The following TMTC2 variants were observed in gnomAD, a reference collection of about 807,000 sequenced individuals.
TMTC2 encodes the protein transmembrane O-mannosyltransferase targeting cadherins 2, also known as protein O-mannosyl-transferase TMTC2.
Under a neutral mutation model 82.4 loss-of-function variants are expected in TMTC2, and 43 were observed. The observed-to-expected ratio is 0.52, with a 90% CI of 0.41 to 0.67. The LOEUF is 0.67. TMTC2 is among the 30% of genes least tolerant of loss of function. The pLI, the probability that TMTC2 is intolerant of heterozygous loss-of-function variation, is 0.00. For synonymous variants in TMTC2, 408 were observed against 381.9 expected, an observed-to-expected ratio of 1.07 and a Z score of -0.80; for missense variants, 919 against 1,012.4, an observed-to-expected ratio of 0.91 and a Z score of 1.25.
chr12:82,704,010 A>T (rs1873225155), intron 1 of TMTC2, among the ~76,000 whole-genome samples: 1 of 152,196 alleles, frequency 6.6e-6, no homozygotes, highest in South Asian at 2.1e-4. Flanking sequence ...AAATGCTATA[A>T]TCATAGTAAA....
intron 1 of TMTC2, among the ~76,000 whole-genome samples, chr12:82,810,519 T>C (rs1281881321): frequency 6.6e-6 from 1 of 152,060 alleles, no homozygotes; most frequent in East Asian, 1.9e-4. Context: ...GACCCCAAAA[T>C]TGGGTCTGTA....
At chr12:83,036,356 A>AT (rs888597290) in intron 9 of TMTC2, among the ~76,000 whole-genome samples, 8 of 151,962 alleles carry the variant, frequency 5.3e-5, no homozygotes, top group African/African-American at 1.4e-4. Context: ...AAAAGTATAG[A>AT]TTTTTTAAAA....
intron 1 of TMTC2, among the ~76,000 whole-genome samples, chr12:82,796,452 G>C (rs913740436): frequency 6.6e-6 from 1 of 152,042 alleles, no homozygotes; most frequent in Admixed American, 6.6e-5. Flanking sequence ...AAACAAATGA[G>C]TAATTATTTA....
At chr12:82,837,326 G>A (rs1377234181) in intron 1 of TMTC2, among the ~76,000 whole-genome samples, 1 of 152,086 alleles carries the variant, frequency 6.6e-6, no homozygotes, top group Non-Finnish European at 1.5e-5. Context: ...TGTGTACAAT[G>A]GCTGGGCATG....
At chr12:82,892,138 A>C (rs1424578900) in intron 2 of TMTC2, among the ~76,000 whole-genome samples, 2 of 152,234 alleles carry the variant, frequency 1.3e-5, no homozygotes, top group Non-Finnish European at 2.9e-5. Context: ...TAGAATAAGT[A>C]TGTGAAAGCA....
chr12:83,003,829 A>G (rs960394601), intron 8 of TMTC2, among the ~76,000 whole-genome samples: 2 of 152,060 alleles, frequency 1.3e-5, no homozygotes, highest in Non-Finnish European at 2.9e-5. Flanking sequence ...GTAGAACCTG[A>G]TGACTGTGTC....
At chr12:83,054,873 T>G (rs948567294) in intron 10 of TMTC2, among the ~76,000 whole-genome samples, 2 of 152,068 alleles carry the variant, frequency 1.3e-5, no homozygotes, top group African/African-American at 4.8e-5. Context: ...GGTTTGTTTC[T>G]AAGCTGTTTT....
chr12:83,041,282 A>G (rs1403005951), intron 9 of TMTC2, among the ~76,000 whole-genome samples: 3 of 152,198 alleles, frequency 2.0e-5, no homozygotes, highest in East Asian at 3.9e-4. Flanking sequence ...GATTTTAAAC[A>G]GTGACATGGA....
At chr12:82,819,100 C>A (rs1014273031) in intron 1 of TMTC2, among the ~76,000 whole-genome samples, 1 of 151,934 alleles carries the variant, frequency 6.6e-6, no homozygotes, top group African/African-American at 2.4e-5. Flanking sequence ...TATTTATATA[C>A]ATCCTAGATG....
At chr12:82,844,895 T>C (rs1407100295) in intron 1 of TMTC2, among the ~76,000 whole-genome samples, 1 of 151,622 alleles carries the variant, frequency 6.6e-6, no homozygotes, top group Non-Finnish European at 1.5e-5. Context: ...ATTCATTCCA[T>C]CCCTTGAAGT....
intron 2 of TMTC2, among the ~76,000 whole-genome samples, chr12:82,861,681 T>C (rs1001307157): frequency 5.9e-5 from 9 of 152,170 alleles, no homozygotes; most frequent in Admixed American, 4.6e-4. Context: ...CAAATGCTCG[T>C]TGAGATAAGT....
chr12:83,000,872 C>T (rs1020133465), intron 8 of TMTC2, among the ~76,000 whole-genome samples: 18 of 152,178 alleles, frequency 1.2e-4, no homozygotes, highest in African/African-American at 3.6e-4. Context: ...TCTTGACTTC[C>T]GTGCACCTGC....
At chr12:83,125,242 C>T (rs941850617) in intron 11 of TMTC2, among the ~76,000 whole-genome samples, 3 of 152,172 alleles carry the variant, frequency 2.0e-5, no homozygotes, top group Admixed American at 6.5e-5. Flanking sequence ...ATCAAAGATT[C>T]TCTGTTTTGT....
chr12:82,874,572 A>G (rs544750130), intron 2 of TMTC2, among the ~76,000 whole-genome samples: 1 of 152,168 alleles, frequency 6.6e-6, no homozygotes, highest in Non-Finnish European at 1.5e-5. Flanking sequence ...TGCAAACTGT[A>G]CTGGGCTATA....
intron 1 of TMTC2, among the ~76,000 whole-genome samples, chr12:82,719,671 C>CTTTTTTTTTT (rs202235180): frequency 1.6e-5 from 2 of 128,130 alleles, no homozygotes; most frequent in African/African-American, 2.9e-5. Flanking sequence ...GTCTCTCTGT[C>CTTTTTTTTTT]TTTTTTTTTT....
At chr12:82,870,589 T>G (rs773107789) in intron 2 of TMTC2, among the ~76,000 whole-genome samples, 3 of 152,212 alleles carry the variant, frequency 2.0e-5, no homozygotes. Flanking sequence ...AAAATTTTAG[T>G]CATTAGCACT....
intron 10 of TMTC2, among the ~76,000 whole-genome samples, chr12:83,054,595 TTA>T (rs1407645527): frequency 6.6e-5 from 10 of 150,876 alleles, no homozygotes; most frequent in Admixed American, 5.3e-4. Context: ...GTGTATATAA[TTA>T]TATGTCATTT....
intron 9 of TMTC2, among the ~76,000 whole-genome samples, chr12:83,041,912 A>G (rs953976466): frequency 1.3e-5 from 2 of 152,190 alleles, no homozygotes; most frequent in African/African-American, 4.8e-5. Context: ...GTGTTGTGTG[A>G]AGATAAATTG....
intron 3 of TMTC2, among the ~76,000 whole-genome samples, chr12:82,924,345 T>A (rs1486130763): frequency 6.6e-6 from 1 of 152,210 alleles, no homozygotes; most frequent in Admixed American, 6.5e-5. Context: ...ATCATTCATA[T>A]AGCAAGAGAG....
Sources: gnomAD v4.1 joint callset for allele counts (sites outside exome capture counted in the v4.1 genomes callset) on GRCh38, gnomAD v4.1.1 for gene constraint, MANE v1.5 for transcripts, NCBI Gene and HGNC (gene_info 2026-07-23, HGNC 2026-07-21) for gene names.